LINGO2: variants seen among roughly 807,000 people sequenced by gnomAD.
LINGO2 encodes the protein leucine-rich repeat and immunoglobulin-like domain-containing nogo receptor-interacting protein 2.
LINGO2 carries 14 observed loss-of-function variants against 30.6 expected under a neutral mutation model. The ratio of observed to expected loss-of-function variants is 0.46; its 90% CI spans 0.30 to 0.72. LINGO2 has a LOEUF of 0.72. LINGO2 is among the 30% of genes least tolerant of loss of function. LINGO2 has a pLI of 0.07. For synonymous variants in LINGO2, 317 were observed against 288.5 expected (o/e 1.10, Z -1.00); for missense variants, 729 against 751.7 (o/e 0.97, Z 0.35).
At chr9:28,091,681 A>G (rs913850394) in intron 4 of LINGO2, among the ~76,000 whole-genome samples, 6 of 152,214 alleles carry the variant, frequency 3.9e-5, no homozygotes, top group Non-Finnish European at 1.5e-5. Context: ...AATGGCAACA[A>G]AAGCCAATAT....
At chr9:28,287,298 T>G (rs184516061) in intron 4 of LINGO2, among the ~76,000 whole-genome samples, 9 of 152,344 alleles carry the variant, frequency 5.9e-5, no homozygotes, top group Non-Finnish European at 1.2e-4. Context: ...AAAATGATGC[T>G]CTGAGTTAGG....
At chr9:28,794,505 A>C in the LINGO2 span, among the ~76,000 whole-genome samples, 1 of 152,132 alleles carries the variant, frequency 6.6e-6, no homozygotes, top group Non-Finnish European at 1.5e-5. Context: ...TTTATTTTTA[A>C]TTGCAGTCTC....
At chr9:28,256,539 T>C (rs1393524943) in intron 4 of LINGO2, among the ~76,000 whole-genome samples, 5 of 151,836 alleles carry the variant, frequency 3.3e-5, no homozygotes, top group Admixed American at 2.6e-4. Flanking sequence ...TAATTTCTGA[T>C]AGTGCCATGA....
rs149497638 is a variant in LINGO2, at chr9:28,406,297, A to G, written c.-278-33429T>C. On this transcript the variant is annotated intron_variant, in intron 2 of 5. Transcript: ENST00000379992. Reference sequence around the variant, plus strand: ...CTAAAAATATAAAAATTAGCTGGGCATGGTGGTGTACGCCTGTAGTTTCAG... The same window carrying G: ...CTAAAAATATAAAAATTAGCTGGGCGTGGTGGTGTACGCCTGTAGTTTCAG... Among the ~76,000 whole-genome samples the G allele has an allele frequency of 4.0e-3, 582 of 146,644 alleles. 1 individual carries two copies. Among genetic ancestry groups the G allele is most frequent in the Non-Finnish European group, 6.6e-3 (444 of 66,936 alleles).
chr9:29,171,583 CAA>C, the LINGO2 span, among the ~76,000 whole-genome samples: 1 of 151,384 alleles, frequency 6.6e-6, no homozygotes, highest in African/African-American at 2.4e-5. Context: ...CTTGTAATAG[CAA>C]AAATCTGGAA....
chr9:28,408,117 G>C (rs1355766989), intron 2 of LINGO2, among the ~76,000 whole-genome samples: 1 of 152,108 alleles, frequency 6.6e-6, no homozygotes, highest in Non-Finnish European at 1.5e-5. Context: ...CTGAGGGACT[G>C]TTGGGTAAAA....
chr9:28,948,700 T>C, the LINGO2 span, among the ~76,000 whole-genome samples: 1 of 152,084 alleles, frequency 6.6e-6, no homozygotes, highest in Non-Finnish European at 1.5e-5. Flanking sequence ...TACAAAATAA[T>C]GAAATAAATC....
At chr9:28,885,386 C>CAT in the LINGO2 span, among the ~76,000 whole-genome samples, 17 of 27,302 alleles carry the variant, frequency 6.2e-4, no homozygotes, top group African/African-American at 9.8e-4. Context: ...TATATATATA[C>CAT]ACATACATAC....
chr9:28,176,699 C>G (rs1271682489), intron 4 of LINGO2, among the ~76,000 whole-genome samples: 1 of 152,026 alleles, frequency 6.6e-6, no homozygotes, highest in Non-Finnish European at 1.5e-5. Context: ...AATTAAAACT[C>G]AAGAATATTT....
intron 4 of LINGO2, among the ~76,000 whole-genome samples, chr9:28,016,661 T>TAAC (rs1411731790): frequency 8.0e-6 from 1 of 125,016 alleles, no homozygotes; most frequent in Admixed American, 8.9e-5. Flanking sequence ...AACATATCAA[T>TAAC]GAGTTCCCAA....
chr9:29,071,400 C>T, the LINGO2 span, among the ~76,000 whole-genome samples: 1 of 148,576 alleles, frequency 6.7e-6, no homozygotes, highest in African/African-American at 2.5e-5. Flanking sequence ...ACATTTTCTC[C>T]AAGGATAAAA....
At chr9:29,078,514 C>A in the LINGO2 span, among the ~76,000 whole-genome samples, 8 of 151,712 alleles carry the variant, frequency 5.3e-5, no homozygotes, top group Admixed American at 2.0e-4. Flanking sequence ...TTGAATAAAC[C>A]TTGAGTCACA....
At chr9:28,344,621 A>G (rs935296207) in intron 3 of LINGO2, among the ~76,000 whole-genome samples, 1 of 152,128 alleles carries the variant, frequency 6.6e-6, no homozygotes, top group Non-Finnish European at 1.5e-5. Flanking sequence ...GGATCAAATT[A>G]AATTTATGTG....
intron 1 of LINGO2, among the ~76,000 whole-genome samples, chr9:28,609,582 A>C (rs79778244): frequency 0.073 from 11,069 of 152,102 alleles, 513 homozygotes; most frequent in African/African-American, 0.12. Flanking sequence ...ATTAAATAAT[A>C]AAATATAGAT....
chr9:28,518,545 G>A (rs1263685273), intron 1 of LINGO2, among the ~76,000 whole-genome samples: 2 of 152,112 alleles, frequency 1.3e-5, no homozygotes, highest in African/African-American at 2.4e-5. Context: ...AGATAAAAAT[G>A]TTCATGTGAA....
intron 1 of LINGO2, among the ~76,000 whole-genome samples, chr9:28,509,899 C>T (rs1820301910): frequency 6.6e-6 from 1 of 152,146 alleles, no homozygotes; most frequent in Non-Finnish European, 1.5e-5. Flanking sequence ...TTAACAAAAC[C>T]TAAATATTTT....
At chr9:29,096,454 T>G in the LINGO2 span, among the ~76,000 whole-genome samples, 8 of 138,568 alleles carry the variant, frequency 5.8e-5, 2 homozygotes, top group Non-Finnish European at 1.3e-4. Flanking sequence ...CCCATCTAAT[T>G]TTTGTATTTT....
chr9:28,572,278 A>G (rs1823733221), intron 1 of LINGO2, among the ~76,000 whole-genome samples: 1 of 152,082 alleles, frequency 6.6e-6, no homozygotes, highest in Admixed American at 6.6e-5. Context: ...ATCTCTCTGG[A>G]CAGTACTTAT....
At chr9:28,387,582 G>T (rs1411508602) in intron 2 of LINGO2, among the ~76,000 whole-genome samples, 1 of 152,192 alleles carries the variant, frequency 6.6e-6, no homozygotes, top group Non-Finnish European at 1.5e-5. Context: ...TTTATGAGCT[G>T]TAACACTCAC....
Sources: gnomAD v4.1 joint callset for allele counts (sites outside exome capture counted in the v4.1 genomes callset) on GRCh38, gnomAD v4.1.1 for gene constraint, MANE v1.5 for transcripts, NCBI Gene and HGNC (gene_info 2026-07-23, HGNC 2026-07-21) for gene names.